CSMD1: variants seen among roughly 807,000 people sequenced by gnomAD.
CSMD1 encodes the protein CUB and Sushi multiple domains 1.
In CSMD1, 213 loss-of-function variants were observed where a neutral mutation model predicts 417.5. The observed-to-expected ratio is 0.51, with a 90% CI of 0.46 to 0.57. The LOEUF (loss-of-function observed/expected upper bound fraction) is 0.57, where lower values mean the gene tolerates loss of function less well. CSMD1 is among the 20% of genes least tolerant of loss of function. The pLI is 0.00. For synonymous variants in CSMD1, 2,862 were observed against 1,736.8 expected (o/e 1.65, Z -16.11); for missense variants, 6,923 against 4,529.7 (o/e 1.53, Z -15.17).
At chr8:4,744,338 G>A (rs907086319) in intron 1 of CSMD1, among the ~76,000 whole-genome samples, 6 of 152,118 alleles carry the variant, frequency 3.9e-5, no homozygotes, top group Non-Finnish European at 8.8e-5. Context: ...TGTGTGCTGT[G>A]CTAGCCACAA....
chr8:4,202,823 G>C lies in CSMD1; in HGVS notation c.416-170724C>G, dbSNP rs1187004861. ...ACGTCAGAAAATACCTAGAAAAAGAGGGCAGTGAAGCTGAAACTTGAAACA... is the reference window on the plus strand; with the variant it reads ...ACGTCAGAAAATACCTAGAAAAAGACGGCAGTGAAGCTGAAACTTGAAACA... On this transcript the variant is annotated intron_variant, in intron 3 of 69. Transcript: ENST00000635120. Among the ~76,000 whole-genome samples, 8 of 152,194 alleles carry C rather than the reference G, an allele frequency of 5.3e-5. 1 individual carries two copies. The highest frequency in any genetic ancestry group is 4.6e-4 in the Admixed American group (7 of 15,278).
chr8:3,927,386 G>C (rs533753348), intron 5 of CSMD1, among the ~76,000 whole-genome samples: 2 of 152,094 alleles, frequency 1.3e-5, no homozygotes, highest in African/African-American at 4.8e-5. Context: ...AAACAATACA[G>C]CCAGACACAG....
intron 1 of CSMD1, among the ~76,000 whole-genome samples, chr8:4,682,082 G>A (rs1212157385): frequency 6.6e-6 from 1 of 152,160 alleles, no homozygotes. Flanking sequence ...GCTGTGGGGT[G>A]ATCTCAGCTC....
chr8:4,649,034 A>G (rs1803715202), intron 1 of CSMD1, among the ~76,000 whole-genome samples: 1 of 152,226 alleles, frequency 6.6e-6, no homozygotes, highest in South Asian at 2.1e-4. Context: ...TCTTTGGCCG[A>G]GAAACTCTTC....
At chr8:3,677,568 G>A (rs778768114) in intron 7 of CSMD1, among the ~76,000 whole-genome samples, 25 of 152,126 alleles carry the variant, frequency 1.6e-4, no homozygotes, top group Non-Finnish European at 3.1e-4. Flanking sequence ...AGGGTTTGGA[G>A]ATGTCTTAGA....
At chr8:2,970,349 A>C (rs1399847885) in intron 57 of CSMD1, among the ~76,000 whole-genome samples, 1 of 152,200 alleles carries the variant, frequency 6.6e-6, no homozygotes, top group Non-Finnish European at 1.5e-5. Flanking sequence ...GTCTCAAGTG[A>C]ATGGCCATCT....
chr8:4,498,702 C>G (rs549642721), intron 2 of CSMD1, among the ~76,000 whole-genome samples: 1 of 152,142 alleles, frequency 6.6e-6, no homozygotes, highest in Non-Finnish European at 1.5e-5. Flanking sequence ...TGGTTCCAGA[C>G]AGTTAGCTAA....
chr8:4,702,171 T>C (rs1807601172), intron 1 of CSMD1, among the ~76,000 whole-genome samples: 1 of 152,188 alleles, frequency 6.6e-6, no homozygotes, highest in Non-Finnish European at 1.5e-5. Flanking sequence ...GCTTAATACC[T>C]AGGTGATGGG....
At chr8:2,971,188 C>T (rs1024745352) in intron 57 of CSMD1, among the ~76,000 whole-genome samples, 1 of 152,160 alleles carries the variant, frequency 6.6e-6, no homozygotes, top group Non-Finnish European at 1.5e-5. Context: ...TAATTCACTT[C>T]AAGCTCTTGG....
At chr8:3,720,316 G>A (rs1802078469) in intron 6 of CSMD1, among the ~76,000 whole-genome samples, 1 of 152,252 alleles carries the variant, frequency 6.6e-6, no homozygotes, top group Admixed American at 6.5e-5. Flanking sequence ...AAAGGGGAGA[G>A]AGAGGAGAAG....
At chr8:4,918,809 A>AT (rs1806238628) in intron 1 of CSMD1, among the ~76,000 whole-genome samples, 1 of 152,234 alleles carries the variant, frequency 6.6e-6, no homozygotes, top group South Asian at 2.1e-4. Context: ...ACACTTGTGA[A>AT]TATGTATGTT....
At chr8:3,509,084 T>A (rs1361468773) in intron 10 of CSMD1, among the ~76,000 whole-genome samples, 1 of 152,150 alleles carries the variant, frequency 6.6e-6, no homozygotes, top group Non-Finnish European at 1.5e-5. Flanking sequence ...CCTCTTTACC[T>A]GGGGACAAAA....
chr8:4,111,921 T>A (rs1303538813), intron 3 of CSMD1, among the ~76,000 whole-genome samples: 1 of 152,180 alleles, frequency 6.6e-6, no homozygotes, highest in Non-Finnish European at 1.5e-5. Flanking sequence ...CCCCAGAACT[T>A]AAAATAAATA....
At chr8:4,184,959 G>A (rs34602033) in intron 3 of CSMD1, among the ~76,000 whole-genome samples, 2 of 151,858 alleles carry the variant, frequency 1.3e-5, no homozygotes, top group South Asian at 4.1e-4. Flanking sequence ...CCAATGTGGT[G>A]AAACCCCATC....
chr8:4,981,703 G>C (rs946742384), intron 1 of CSMD1, among the ~76,000 whole-genome samples: 3 of 152,014 alleles, frequency 2.0e-5, no homozygotes, highest in Non-Finnish European at 4.4e-5. Flanking sequence ...GGGGCCATGC[G>C]GCACCCCCAC....
intron 3 of CSMD1, among the ~76,000 whole-genome samples, chr8:4,222,644 T>C (rs1032316936): frequency 2.6e-5 from 4 of 152,212 alleles, no homozygotes; most frequent in Non-Finnish European, 5.9e-5. Context: ...AATTTCTGAA[T>C]CAATGTGACG....
intron 3 of CSMD1, among the ~76,000 whole-genome samples, chr8:4,108,617 C>G (rs1205389398): frequency 6.6e-6 from 1 of 152,170 alleles, no homozygotes; most frequent in Non-Finnish European, 1.5e-5. Context: ...GTTCCCGGCC[C>G]GAGAGTCTCA....
intron 2 of CSMD1, among the ~76,000 whole-genome samples, chr8:4,514,458 A>G (rs1803006117): frequency 6.6e-6 from 1 of 152,198 alleles, no homozygotes; most frequent in Non-Finnish European, 1.5e-5. Flanking sequence ...TGCATTTTTA[A>G]GTAGCATCCT....
At chr8:3,426,012 G>A (rs1447253623) in intron 12 of CSMD1, among the ~76,000 whole-genome samples, 1 of 152,100 alleles carries the variant, frequency 6.6e-6, no homozygotes, top group Non-Finnish European at 1.5e-5. Flanking sequence ...TGTAGAATCA[G>A]AAAGAATTAT....
Sources: allele counts gnomAD v4.1 joint callset (sites outside exome capture counted in the v4.1 genomes callset), GRCh38; gene constraint gnomAD v4.1.1; transcripts MANE v1.5; gene names NCBI Gene and HGNC (gene_info 2026-07-23, HGNC 2026-07-21).